Variants in MFSD8 observed in about 807,000 individuals in gnomAD.
MFSD8 encodes the protein major facilitator superfamily domain-containing protein 8.
In MFSD8, 55 loss-of-function variants were observed where a neutral mutation model predicts 66.4. The ratio of observed to expected loss-of-function variants is 0.83; its 90% CI spans 0.67 to 1.04. The LOEUF is 1.04. Among genes scored for constraint, MFSD8 ranks in the 50% least tolerant of loss-of-function variants. The pLI is 0.00. For missense variants in MFSD8, 550 were observed against 627.6 expected, an observed-to-expected ratio of 0.88 and a Z score of 1.32; for synonymous variants, 202 against 212.8, an observed-to-expected ratio of 0.95 and a Z score of 0.44.
chr4:127,945,008 A>G (rs1341020965), intron 3 of MFSD8, among the ~76,000 whole-genome samples: 1 of 151,996 alleles, frequency 6.6e-6, no homozygotes, highest in Non-Finnish European at 1.5e-5. Flanking sequence ...ACTTTTTTTC[A>G]TATGTGGTAG....
chr4:127,921,574 T>A lies in MFSD8; in HGVS notation c.1300A>T (p.Asn434Tyr). 6.2e-7 allele frequency: 1 copy of A among 1,614,180 alleles called. No homozygotes were observed. The highest frequency in any genetic ancestry group is 1.1e-5 in the South Asian group (1 of 91,086). The stretch of plus-strand genomic sequence containing the variant: ...GAATATAGAGTATAGGACATAAGAT[T>A]GCAGACTGGATAGCCTAATCCTATT... Reference protein sequence around the residue: ...VLIGLGYPVCNLMSYTLYSKI... With the variant: ...VLIGLGYPVCYLMSYTLYSKI... Residue 434 changes from asparagine (N) to tyrosine (Y), a missense_variant, in exon 11 of 12, where the codon AAT (asparagine) becomes TAT (tyrosine). Coordinates refer to ENST00000641686, the MANE Select transcript of MFSD8 (RefSeq NM_001371596.2).
chr4:127,921,340 T>C, intron 11 of MFSD8, 184 bp downstream of exon 11: 3 of 994,304 alleles, frequency 3.0e-6, no homozygotes, highest in Non-Finnish European at 4.4e-6. Context: ...TCCAAAACTA[T>C]AACCCACATA....
intron 1 of MFSD8, among the ~76,000 whole-genome samples, chr4:127,958,033 T>C (rs1743171912): frequency 1.3e-5 from 2 of 152,210 alleles, no homozygotes; most frequent in Admixed American, 6.5e-5. Flanking sequence ...CAAATTAAAT[T>C]GCTGCAGGAA....
At chr4:127,947,578 A>C (rs1048824206) in intron 3 of MFSD8, among the ~76,000 whole-genome samples, 3 of 122,846 alleles carry the variant, frequency 2.4e-5, no homozygotes, top group African/African-American at 1.0e-4. Flanking sequence ...ACTCCATTGC[A>C]AAAAAAAAAA....
At position 127,919,470 on chromosome 4, in the gene MFSD8, T is replaced by C. The variant is rs1736113263; in HGVS notation, c.*1160A>G. 5 of 152,238 alleles carry C rather than the reference T, an allele frequency of 3.3e-5. No homozygotes were observed. In the South Asian group the frequency reaches 1.0e-3, roughly 31 times the overall value. The allele number at this position is 152,238 out of a possible 1,614,324, so 9.4% of individuals were successfully genotyped here. On this transcript the variant is annotated 3_prime_UTR_variant, in exon 12 of 12. Transcript: ENST00000641686. ...AACAGTGCTTATCAATATACATAGT[T>C]ATCTACTAGTTCCTTTTATCAGCAT...
At chr4:127,950,270 AG>A (rs1194910231) in intron 2 of MFSD8, among the ~76,000 whole-genome samples, 3 of 152,226 alleles carry the variant, frequency 2.0e-5, no homozygotes, top group African/African-American at 7.2e-5. Context: ...GATCATCTAC[AG>A]GGGGGCTATA....
At chr4:127,961,994 G>T (rs1459106204) in intron 1 of MFSD8, among the ~76,000 whole-genome samples, 1 of 152,116 alleles carries the variant, frequency 6.6e-6, no homozygotes, top group Non-Finnish European at 1.5e-5. Context: ...GGTTATCAAA[G>T]CTATAACAAA....
chr4:127,933,995 G>A (rs1196442159), intron 7 of MFSD8, among the ~76,000 whole-genome samples: 1 of 152,158 alleles, frequency 6.6e-6, no homozygotes, highest in African/African-American at 2.4e-5. Flanking sequence ...ATTACAGCAG[G>A]TGGGAGGCCA....
At position 127,921,896 on chromosome 4, in the gene MFSD8, G is replaced by A. The variant is rs756204684; in HGVS notation, c.1066C>T (p.Pro356Ser). The A allele has an allele frequency of 6.2e-7, 1 of 1,614,070 alleles. No individual in the cohort carries two copies. The highest frequency in any genetic ancestry group is 8.5e-7 in the Non-Finnish European group (1 of 1,180,010). Residue 356 changes from proline to serine, a missense_variant, in exon 10 of 12, where the codon CCT (proline) becomes TCT (serine). Coordinates refer to ENST00000641686, the MANE Select transcript of MFSD8 (RefSeq NM_001371596.2). ...VVWVGFFILL[P>S]WGNQFPKIQW... is the part of the protein sequence containing the mutation. ...ATTTTGGGAAATTGATTTCCCCAAG[G>A]TAACAAGATAAAGAAGCCAACCCAT... is the stretch of plus-strand genomic sequence containing the variant.
intron 7 of MFSD8, chr4:127,934,519 T>C (rs1738702921): frequency 6.6e-6 from 1 of 152,036 alleles, no homozygotes; most frequent in South Asian, 2.1e-4. Context: ...ATTTATCCAC[T>C]TATTCAGAAT....
chr4:127,921,512 T>A lies in MFSD8; in HGVS notation c.1350+12A>T. ...ATTTTCTATAATTGCAATGTCAGGG[T>A]ACCTGGCTTACCTGAGGTTTTGGTC... is the stretch of plus-strand genomic sequence containing the variant. On this transcript the variant is annotated intron_variant, in intron 11 of 11. Coordinates refer to ENST00000641686, the MANE Select transcript of MFSD8 (RefSeq NM_001371596.2). 1 of 1,614,098 alleles carries A rather than the reference T, an allele frequency of 6.2e-7. No homozygotes were observed. Among genetic ancestry groups the A allele is most frequent in the African/African-American group, 1.3e-5 (1 of 75,076 alleles).
intron 3 of MFSD8, among the ~76,000 whole-genome samples, chr4:127,949,179 A>G (rs1265162897): frequency 1.3e-5 from 2 of 152,236 alleles, no homozygotes; most frequent in Admixed American, 6.5e-5. Flanking sequence ...AACCTTTACT[A>G]AAACATTGTT....
chr4:127,927,542 A>C lies in MFSD8; in HGVS notation c.998+3141T>G, dbSNP rs546313633. 5.9e-5 allele frequency among the ~76,000 whole-genome samples: 9 copies of C among 152,336 alleles called. No homozygotes were observed. The South Asian group carries it at 1.5e-3, about 25-fold the overall frequency. On this transcript the variant is annotated intron_variant, in intron 9 of 11. Transcript: ENST00000641686. ...GTTTATCAGGATGTAGCCCCATTGC[A>C]AGTTAAAGAGTATCTGTATTTGAGG...
At chr4:127,940,279 C>T (rs1235514964) in intron 5 of MFSD8, among the ~76,000 whole-genome samples, 2 of 151,222 alleles carry the variant, frequency 1.3e-5, no homozygotes, top group Non-Finnish European at 3.0e-5. Flanking sequence ...AAAAAAATAC[C>T]GAAAAAGGCT....
rs949591563 is a variant in MFSD8 at position 127,918,455 on chromosome 4, T to C, written c.*2175A>G. On this transcript the variant is annotated 3_prime_UTR_variant, in exon 12 of 12. Transcript: ENST00000641686. ...AGTTTATCTAAATTTTAATCAATATTATAAACCTTTGAAAGCTGGGAAACT... is the reference window on the plus strand; with the variant it reads ...AGTTTATCTAAATTTTAATCAATATCATAAACCTTTGAAAGCTGGGAAACT... 2 of 152,228 alleles carry C rather than the reference T, an allele frequency of 1.3e-5. No individual in the cohort carries two copies. Among genetic ancestry groups the C allele is most frequent in the African/African-American group, 2.4e-5 (1 of 41,460 alleles). 9.4% of individuals were successfully genotyped at this position (152,228 alleles called of 1,614,324 possible).
rs2148990138 is a variant in MFSD8, at chr4:127,962,264, T to G, written c.62+2808A>C. ...GGGTGGATCACTTGAGGTCAGGAGTTCCAGATCAGCCTGGCCACCTGGTGA... is the reference window on the plus strand; with the variant it reads ...GGGTGGATCACTTGAGGTCAGGAGTGCCAGATCAGCCTGGCCACCTGGTGA... On this transcript the variant is annotated intron_variant, in intron 1 of 11. Transcript: ENST00000641686. 2.0e-5 allele frequency among the ~76,000 whole-genome samples: 3 copies of G among 152,144 alleles called. No individual in the cohort carries two copies. In the Middle Eastern group the frequency reaches 0.01, roughly 517 times the overall value.
rs1396506156 is a variant in MFSD8, at chr4:127,921,750, G to C, written c.1124C>G (p.Pro375Arg). ...QWEDLHNNSIPNTTFGEIIIG... is the reference protein window; with the variant it reads ...QWEDLHNNSIRNTTFGEIIIG... ...AATAATTTCCCCAAATGTGGTATTA[G>C]GGATTGAATTATTGTGCAAATCTGT... Residue 375 changes from proline (P) to arginine (R), a missense_variant, in exon 11 of 12, where the codon CCT becomes CGT. By Grantham distance (103) the Pro-to-Arg change is moderately radical. Coordinates refer to ENST00000641686, the MANE Select transcript of MFSD8 (RefSeq NM_001371596.2). 1 of 1,614,158 alleles carries C rather than the reference G, an allele frequency of 6.2e-7. No individual in the cohort carries two copies. The highest frequency in any genetic ancestry group is 8.5e-7 in the Non-Finnish European group (1 of 1,180,026).
chr4:127,939,827 T>C, intron 6 of MFSD8, 26 bp downstream of exon 6: 3 of 1,592,338 alleles, frequency 1.9e-6, no homozygotes, highest in Non-Finnish European at 2.6e-6. Context: ...TCTACAAAAA[T>C]AGTTTTATCA....
intron 9 of MFSD8, among the ~76,000 whole-genome samples, chr4:127,930,207 T>C (rs1345218649): frequency 6.6e-6 from 1 of 152,154 alleles, no homozygotes; most frequent in African/African-American, 2.4e-5. Flanking sequence ...ACCACTGCAT[T>C]CCAGTATGGG....
Sources: gnomAD v4.1 joint callset for allele counts (sites outside exome capture counted in the v4.1 genomes callset) on GRCh38, gnomAD v4.1.1 for gene constraint, MANE v1.5 for transcripts, NCBI Gene and HGNC (gene_info 2026-07-23, HGNC 2026-07-21) for gene names.